The following GRIP1 variants were observed in gnomAD, a reference collection of about 807,000 sequenced individuals.
GRIP1 encodes the protein glutamate receptor interacting protein 1, also known as glutamate receptor-interacting protein 1.
GRIP1 carries 45 observed loss-of-function variants against 129.9 expected under a neutral mutation model. The ratio of observed to expected loss-of-function variants is 0.35; its 90% confidence interval spans 0.27 to 0.44. The LOEUF (loss-of-function observed/expected upper bound fraction) is 0.44. Among genes scored for constraint, GRIP1 ranks in the 20% least tolerant of loss-of-function variants. GRIP1 has a pLI of 1.00. For synonymous variants in GRIP1, 530 were observed against 520.8 expected, an observed-to-expected ratio of 1.02 and a Z score of -0.24; for missense variants, 1,196 against 1,396.8, an observed-to-expected ratio of 0.86 and a Z score of 2.29.
At chr12:66,606,475 A>G (rs2064534476) in intron 1 of GRIP1, among the ~76,000 whole-genome samples, 1 of 152,174 alleles carries the variant, frequency 6.6e-6, no homozygotes, top group South Asian at 2.1e-4. Context: ...TCAGTCAACC[A>G]GAAGCCTTTT....
At chr12:66,888,551 C>T (rs73331177) in intron 1 of GRIP1, among the ~76,000 whole-genome samples, 6,910 of 152,100 alleles carry the variant, frequency 0.045, 535 homozygotes, top group African/African-American at 0.16. Context: ...TTAGTAGAGA[C>T]GGTGTTTTGC....
chr12:66,578,863 T>C lies in GRIP1; in HGVS notation c.136+17984A>G, dbSNP rs189247968. Among the ~76,000 whole-genome samples, 581 of 152,294 alleles carry C rather than the reference T, an allele frequency of 3.8e-3. 5 individuals are homozygous for C. The highest frequency in any genetic ancestry group is 0.013 in the African/African-American group (551 of 41,568). Reference sequence around the variant, plus strand: ...CAAACAAAAAGACAGCAGTAACCTCTGCAGACTTAAATCTCCCTGTCTGAC... The same window carrying C: ...CAAACAAAAAGACAGCAGTAACCTCCGCAGACTTAAATCTCCCTGTCTGAC... On this transcript the variant is annotated intron_variant, in intron 2 of 24. Transcript: ENST00000359742.
intron 1 of GRIP1, among the ~76,000 whole-genome samples, chr12:66,700,611 C>T (rs944283810): frequency 6.6e-6 from 1 of 152,022 alleles, no homozygotes; most frequent in Non-Finnish European, 1.5e-5. Context: ...CTGTGCCTAA[C>T]TCAGTGAAAG....
chr12:66,970,761 C>T lies in GRIP1; in HGVS notation c.58+98289G>A, dbSNP rs1117042. ...CTTTTGGTGGGCCTATGTTGCTGTA[C>T]TGTGACCTTTACAAATGTTTCTTAA... On this transcript the variant is annotated intron_variant, in intron 1 of 1. Transcript: ENST00000643019. 5.3e-3 allele frequency among the ~76,000 whole-genome samples: 814 copies of T among 152,220 alleles called. 11 individuals carry two copies. The highest frequency in any genetic ancestry group is 0.019 in the African/African-American group (769 of 41,512).
chr12:66,729,529 AT>A (rs1190289518), intron 1 of GRIP1, among the ~76,000 whole-genome samples: 1 of 152,150 alleles, frequency 6.6e-6, no homozygotes, highest in Non-Finnish European at 1.5e-5. Context: ...TGGGTAAGTA[AT>A]TTGTTCATGG....
intron 7 of GRIP1, among the ~76,000 whole-genome samples, chr12:66,485,468 A>T (rs1412799296): frequency 6.6e-6 from 1 of 151,652 alleles, no homozygotes; most frequent in Admixed American, 6.6e-5. Context: ...ATTTCAAAAT[A>T]TATATTCTAG....
At chr12:66,864,617 C>G (rs2040170750) in intron 1 of GRIP1, among the ~76,000 whole-genome samples, 1 of 151,800 alleles carries the variant, frequency 6.6e-6, no homozygotes, top group Admixed American at 6.6e-5. Flanking sequence ...ACTTGGGAGG[C>G]TGAGGCAGAA....
chr12:67,029,448 G>T (rs922491146), intron 1 of GRIP1, among the ~76,000 whole-genome samples: 3 of 151,870 alleles, frequency 2.0e-5, no homozygotes, highest in Non-Finnish European at 4.4e-5. Context: ...GCATGGTGGC[G>T]CATGCCTGTA....
chr12:66,680,634 A>ATT (rs60921818), upstream of GRIP1, among the ~76,000 whole-genome samples: 1 of 151,986 alleles, frequency 6.6e-6, no homozygotes, highest in Non-Finnish European at 1.5e-5. Context: ...CCTCCTTGAT[A>ATT]TTTTTTTGCT....
chr12:66,864,237 A>T (rs1800606668), intron 1 of GRIP1, among the ~76,000 whole-genome samples: 1 of 151,978 alleles, frequency 6.6e-6, no homozygotes, highest in Non-Finnish European at 1.5e-5. Context: ...AATATACACC[A>T]TGATTTTTGA....
At chr12:67,030,998 T>C (rs1335953272) in intron 1 of GRIP1, among the ~76,000 whole-genome samples, 1 of 152,142 alleles carries the variant, frequency 6.6e-6, no homozygotes, top group African/African-American at 2.4e-5. Context: ...TTTGTACATA[T>C]ATAACCGCTC....
intron 1 of GRIP1, among the ~76,000 whole-genome samples, chr12:66,948,286 C>T (rs1303505957): frequency 6.6e-6 from 1 of 152,220 alleles, no homozygotes; most frequent in Non-Finnish European, 1.5e-5. Flanking sequence ...TAGCAACCTT[C>T]TCAGACACTG....
chr12:66,350,924 GC>G (rs951617476), intron 24 of GRIP1, among the ~76,000 whole-genome samples: 1 of 152,114 alleles, frequency 6.6e-6, no homozygotes, highest in African/African-American at 2.4e-5. Context: ...CACATTCAAG[GC>G]CCTTTATAAT....
At chr12:66,780,895 C>T (rs1363379784) in intron 1 of GRIP1, among the ~76,000 whole-genome samples, 1 of 152,138 alleles carries the variant, frequency 6.6e-6, no homozygotes, top group Non-Finnish European at 1.5e-5. Context: ...ACTAGAATAC[C>T]TGCATGTGCT....
chr12:66,737,676 T>C (rs559577854), intron 1 of GRIP1, among the ~76,000 whole-genome samples: 1 of 152,328 alleles, frequency 6.6e-6, no homozygotes, highest in Admixed American at 6.5e-5. Context: ...TTTTTAAAAG[T>C]TAGCAATATT....
At chr12:66,980,371 G>T (rs532582180) in intron 1 of GRIP1, among the ~76,000 whole-genome samples, 1 of 152,280 alleles carries the variant, frequency 6.6e-6, no homozygotes, top group Admixed American at 6.5e-5. Context: ...CCAGCACCTT[G>T]GGAGGCTGAG....
intron 1 of GRIP1, among the ~76,000 whole-genome samples, chr12:67,059,193 C>G (rs1490338411): frequency 6.6e-6 from 1 of 152,168 alleles, no homozygotes; most frequent in African/African-American, 2.4e-5. Flanking sequence ...TCAGAGAAAA[C>G]AGTTAAGCAC....
chr12:66,857,147 C>T (rs2137101191), intron 1 of GRIP1, among the ~76,000 whole-genome samples: 1 of 151,486 alleles, frequency 6.6e-6, no homozygotes, highest in South Asian at 2.1e-4. Context: ...ACCGCATGTT[C>T]TCACTCATAG....
intron 1 of GRIP1, among the ~76,000 whole-genome samples, chr12:66,741,730 A>G (rs181908721): frequency 4.2e-4 from 64 of 152,318 alleles, no homozygotes; most frequent in African/African-American, 1.5e-3. Context: ...TACTTACAGC[A>G]CATCTCAATT....
Sources: gnomAD v4.1 joint callset for allele counts (sites outside exome capture counted in the v4.1 genomes callset) on GRCh38, gnomAD v4.1.1 for gene constraint, MANE v1.5 for transcripts, NCBI Gene and HGNC (gene_info 2026-07-23, HGNC 2026-07-21) for gene names.